Variants in EHBP1 observed in about 807,000 individuals in gnomAD.
The protein encoded by EHBP1 is EH domain binding protein 1.
EHBP1 carries 55 observed loss-of-function variants against 144.0 expected under a neutral mutation model. The ratio of observed to expected loss-of-function variants is 0.38; its 90% confidence interval spans 0.31 to 0.48. The LOEUF (loss-of-function observed/expected upper bound fraction) is 0.48, where lower values mean the gene tolerates loss of function less well. EHBP1 is among the 20% of genes least tolerant of loss of function. The pLI is 0.98. For synonymous variants in EHBP1, 469 were observed against 472.7 expected (o/e 0.99, Z 0.10); for missense variants, 1,200 against 1,364.2 (o/e 0.88, Z 1.90).
At chr2:62,686,528 A>G (rs2033723341) in intron 1 of EHBP1, among the ~76,000 whole-genome samples, 1 of 152,222 alleles carries the variant, frequency 6.6e-6, no homozygotes, top group South Asian at 2.1e-4. Context: ...ATATGGAGCT[A>G]ACGGCAAGTT....
intron 1 of EHBP1, among the ~76,000 whole-genome samples, chr2:62,675,259 AG>A (rs1199896340): frequency 6.6e-6 from 1 of 152,278 alleles, no homozygotes; most frequent in Middle Eastern, 3.4e-3. Flanking sequence ...CCTCCAGATA[AG>A]GGTTAAAGCC....
intron 19 of EHBP1, among the ~76,000 whole-genome samples, chr2:62,999,514 A>G (rs1324124802): frequency 6.6e-6 from 1 of 152,152 alleles, no homozygotes; most frequent in Non-Finnish European, 1.5e-5. Flanking sequence ...TCCCCTGGGA[A>G]TCTTTAATCT....
chr2:62,928,411 C>T, intron 10 of EHBP1, among the ~76,000 whole-genome samples: 1 of 152,100 alleles, frequency 6.6e-6, no homozygotes, highest in Non-Finnish European at 1.5e-5. Context: ...TTTCTGGTGG[C>T]CTCTAGAAAA....
At chr2:62,815,393 T>A (rs1190510510) in intron 5 of EHBP1, among the ~76,000 whole-genome samples, 1 of 152,214 alleles carries the variant, frequency 6.6e-6, no homozygotes, top group East Asian at 1.9e-4. Context: ...CATTTAAGAC[T>A]GTTCTTGATG....
intron 5 of EHBP1, among the ~76,000 whole-genome samples, chr2:62,783,165 T>C (rs2042562217): frequency 6.6e-6 from 1 of 152,224 alleles, no homozygotes; most frequent in South Asian, 2.1e-4. Flanking sequence ...TAGGTCACGC[T>C]GATGCAAGAG....
intron 13 of EHBP1, among the ~76,000 whole-genome samples, chr2:62,952,463 T>C (rs1422241448): frequency 6.6e-6 from 1 of 152,216 alleles, no homozygotes; most frequent in Non-Finnish European, 1.5e-5. Context: ...CATAAAATAA[T>C]AGTAACTCTT....
chr2:62,734,022 AGTTT>A (rs1010880249), intron 2 of EHBP1, among the ~76,000 whole-genome samples: 1 of 151,976 alleles, frequency 6.6e-6, no homozygotes, highest in African/African-American at 2.4e-5. Flanking sequence ...GTTGATTTTC[AGTTT>A]GTTTGTTTTT....
At chr2:62,776,006 T>G (rs1487140604) in intron 5 of EHBP1, among the ~76,000 whole-genome samples, 1 of 152,198 alleles carries the variant, frequency 6.6e-6, no homozygotes, top group African/African-American at 2.4e-5. Context: ...AGAATATATG[T>G]ATCAGATTAG....
chr2:62,903,213 T>G (rs2053547907), intron 10 of EHBP1, among the ~76,000 whole-genome samples: 2 of 152,232 alleles, frequency 1.3e-5, no homozygotes, highest in South Asian at 2.1e-4. Flanking sequence ...TCTATTCACT[T>G]TATTAAAATT....
At chr2:62,909,502 A>G (rs1453262033) in intron 10 of EHBP1, among the ~76,000 whole-genome samples, 1 of 152,114 alleles carries the variant, frequency 6.6e-6, no homozygotes, top group African/African-American at 2.4e-5. Flanking sequence ...TTTATGAGAA[A>G]ACTGTGTCAG....
At chr2:62,970,659 G>A (rs912809768) in intron 14 of EHBP1, among the ~76,000 whole-genome samples, 2 of 152,090 alleles carry the variant, frequency 1.3e-5, no homozygotes, top group African/African-American at 4.8e-5. Context: ...TGCGGCAAGT[G>A]TAAAAAGGAC....
chr2:63,004,695 T>C (rs1356757891), intron 19 of EHBP1, among the ~76,000 whole-genome samples: 2 of 152,114 alleles, frequency 1.3e-5, no homozygotes, highest in Non-Finnish European at 2.9e-5. Flanking sequence ...AATTTTAGCA[T>C]ACAGCTCCAA....
At chr2:62,899,339 C>G (rs2053211566) in intron 10 of EHBP1, among the ~76,000 whole-genome samples, 1 of 152,140 alleles carries the variant, frequency 6.6e-6, no homozygotes, top group Admixed American at 6.6e-5. Flanking sequence ...AAGCTGGCTT[C>G]AAGTGTCTCA....
intron 14 of EHBP1, among the ~76,000 whole-genome samples, chr2:62,967,184 C>T (rs1224396366): frequency 6.6e-6 from 1 of 152,204 alleles, no homozygotes; most frequent in Non-Finnish European, 1.5e-5. Context: ...CTTTGCATTT[C>T]CACTGTCATT....
chr2:62,743,544 G>A (rs541328192), intron 2 of EHBP1, among the ~76,000 whole-genome samples: 1 of 152,162 alleles, frequency 6.6e-6, no homozygotes, highest in Non-Finnish European at 1.5e-5. Context: ...TAGGCATTCA[G>A]TAAAATATTT....
chr2:62,768,607 G>A (rs1221073843), intron 4 of EHBP1, among the ~76,000 whole-genome samples: 2 of 152,132 alleles, frequency 1.3e-5, no homozygotes, highest in Admixed American at 6.6e-5. Context: ...AGCTGGTACT[G>A]TTCCTACCAA....
At chr2:62,787,447 G>A (rs1352375656) in intron 5 of EHBP1, among the ~76,000 whole-genome samples, 1 of 128,636 alleles carries the variant, frequency 7.8e-6, no homozygotes, top group Non-Finnish European at 1.5e-5. Flanking sequence ...TAGAGGCGTG[G>A]CAAGTTTGTC....
intron 10 of EHBP1, among the ~76,000 whole-genome samples, chr2:62,935,148 T>G (rs1212457510): frequency 2.0e-5 from 3 of 151,762 alleles, no homozygotes; most frequent in African/African-American, 7.3e-5. Context: ...GCCAACATGG[T>G]GAAACCGTGT....
At chr2:62,844,490 T>G (rs897462160) in intron 7 of EHBP1, among the ~76,000 whole-genome samples, 1 of 152,100 alleles carries the variant, frequency 6.6e-6, no homozygotes, top group African/African-American at 2.4e-5. Context: ...AAAATGCCTT[T>G]TAATAGAAAG....
Sources: gnomAD v4.1 joint callset for allele counts (sites outside exome capture counted in the v4.1 genomes callset) on GRCh38, gnomAD v4.1.1 for gene constraint, MANE v1.5 for transcripts, NCBI Gene and HGNC (gene_info 2026-07-23, HGNC 2026-07-21) for gene names.